The following ROR1 variants were observed in gnomAD, a reference collection of about 807,000 sequenced individuals.
The protein encoded by ROR1 is inactive tyrosine-protein kinase transmembrane receptor ROR1.
Under a neutral mutation model 78.8 loss-of-function variants are expected in ROR1, and 19 were observed. That is an observed-to-expected ratio of 0.24 (90% confidence interval 0.17 to 0.35). ROR1 has a LOEUF of 0.35. Ranked by LOEUF, ROR1 falls within the 10% of genes least tolerant of loss-of-function variation. The probability of loss-of-function intolerance (pLI) is 1.00; values close to 1 mark genes in which losing one functional copy is unlikely to be tolerated. For missense variants in ROR1, 917 were observed against 1,177.8 expected, an observed-to-expected ratio of 0.78 and a Z score of 3.24; for synonymous variants, 386 against 433.6, an observed-to-expected ratio of 0.89 and a Z score of 1.36.
chr1:63,914,983 A>C (rs1645598245), intron 1 of ROR1, among the ~76,000 whole-genome samples: 1 of 152,144 alleles, frequency 6.6e-6, no homozygotes, highest in African/African-American at 2.4e-5. Context: ...GTCAGTGGTT[A>C]ATTGCAAAGC....
intron 2 of ROR1, among the ~76,000 whole-genome samples, chr1:64,014,603 G>T (rs1192334845): frequency 6.8e-6 from 1 of 146,586 alleles, no homozygotes; most frequent in African/African-American, 2.5e-5. Context: ...TTTGGAGAAG[G>T]GGCTGGAAAT....
intron 1 of ROR1, among the ~76,000 whole-genome samples, chr1:63,973,461 C>T (rs79479489): frequency 0.013 from 1,989 of 152,262 alleles, 43 homozygotes; most frequent in African/African-American, 0.046. Context: ...GTAAAGAAGA[C>T]CTCAGAAAAC....
chr1:63,964,441 C>T (rs139969570), intron 1 of ROR1, among the ~76,000 whole-genome samples: 7 of 152,312 alleles, frequency 4.6e-5, no homozygotes, highest in Non-Finnish European at 8.8e-5. Context: ...ACATAGCAGT[C>T]TGAATTCAAC....
intron 4 of ROR1, among the ~76,000 whole-genome samples, chr1:64,118,026 C>T (rs1648378513): frequency 6.6e-6 from 1 of 152,138 alleles, no homozygotes; most frequent in Non-Finnish European, 1.5e-5. Flanking sequence ...CATGGTGAAA[C>T]CTTTTCTCTA....
At chr1:63,829,537 C>T (rs1046576040) in intron 1 of ROR1, among the ~76,000 whole-genome samples, 13 of 151,798 alleles carry the variant, frequency 8.6e-5, no homozygotes, top group Non-Finnish European at 1.5e-4. Flanking sequence ...ATTCAACAGG[C>T]GAAGGGAGTG....
chr1:64,049,465 T>C (rs1053586069), intron 2 of ROR1, among the ~76,000 whole-genome samples: 1 of 152,208 alleles, frequency 6.6e-6, no homozygotes, highest in African/African-American at 2.4e-5. Flanking sequence ...TTGGGTTCTA[T>C]ACTCTGATTA....
intron 1 of ROR1, among the ~76,000 whole-genome samples, chr1:63,824,321 T>G (rs1416187794): frequency 6.6e-6 from 1 of 152,234 alleles, no homozygotes; most frequent in Admixed American, 6.5e-5. Flanking sequence ...ATAGATAATT[T>G]GTAAACAAAT....
chr1:63,891,183 C>A (rs1262198597), intron 1 of ROR1, among the ~76,000 whole-genome samples: 1 of 152,162 alleles, frequency 6.6e-6, no homozygotes, highest in African/African-American at 2.4e-5. Flanking sequence ...CTAAGAAATT[C>A]TCCTATGCCT....
At chr1:63,994,826 C>T (rs1299240801) in intron 1 of ROR1, among the ~76,000 whole-genome samples, 3 of 152,204 alleles carry the variant, frequency 2.0e-5, no homozygotes, top group Non-Finnish European at 1.5e-5. Context: ...TCAAGTTGCC[C>T]ATCTCAGAAG....
intron 2 of ROR1, among the ~76,000 whole-genome samples, chr1:64,015,064 C>T (rs1196046071): frequency 6.6e-6 from 1 of 151,796 alleles, no homozygotes; most frequent in East Asian, 2.0e-4. Context: ...CAAGGAGGAA[C>T]AAGTCAAGTC....
intron 1 of ROR1, among the ~76,000 whole-genome samples, chr1:64,003,375 G>A (rs285384): frequency 0.66 from 100,044 of 152,104 alleles, 37,491 homozygotes; most frequent in East Asian, 0.94. Flanking sequence ...TATAGGTAGT[G>A]TGACTGGGTA....
chr1:63,951,554 T>C (rs1318453735), intron 1 of ROR1, among the ~76,000 whole-genome samples: 1 of 152,126 alleles, frequency 6.6e-6, no homozygotes, highest in African/African-American at 2.4e-5. Context: ...TGAGAGAGAA[T>C]GATCTCTCAC....
chr1:64,090,749 A>G (rs2100643561), intron 4 of ROR1, among the ~76,000 whole-genome samples: 1 of 152,344 alleles, frequency 6.6e-6, no homozygotes. Flanking sequence ...TCTTATTCCC[A>G]GGCCTAGAGA....
chr1:63,966,939 C>G (rs1646079822), intron 1 of ROR1, among the ~76,000 whole-genome samples: 1 of 152,154 alleles, frequency 6.6e-6, no homozygotes. Context: ...CCCTTATTTC[C>G]TCTGCTTATA....
intron 4 of ROR1, among the ~76,000 whole-genome samples, chr1:64,063,929 A>G (rs1319162378): frequency 6.6e-6 from 1 of 152,140 alleles, no homozygotes; most frequent in African/African-American, 2.4e-5. Context: ...CCTGAAAGGA[A>G]CTTGCATTAG....
intron 1 of ROR1, among the ~76,000 whole-genome samples, chr1:63,927,964 T>C (rs1250965650): frequency 7.3e-5 from 11 of 151,468 alleles, no homozygotes; most frequent in East Asian, 1.9e-4. Flanking sequence ...GTTCCCTTTT[T>C]TTTTTTTTTT....
At chr1:64,130,599 G>A (rs1322590064) in intron 4 of ROR1, among the ~76,000 whole-genome samples, 1 of 152,106 alleles carries the variant, frequency 6.6e-6, no homozygotes, top group African/African-American at 2.4e-5. Flanking sequence ...TTTAAGTGAT[G>A]CCCCCTCCTC....
At chr1:64,148,137 A>G (rs1272548204) in intron 7 of ROR1, among the ~76,000 whole-genome samples, 2 of 152,206 alleles carry the variant, frequency 1.3e-5, no homozygotes, top group Non-Finnish European at 2.9e-5. Context: ...CTCTGCTGAC[A>G]CTTTTAGGCA....
intron 1 of ROR1, among the ~76,000 whole-genome samples, chr1:63,822,992 T>G (rs1322578283): frequency 6.6e-6 from 1 of 152,144 alleles, no homozygotes; most frequent in African/African-American, 2.4e-5. Context: ...GTGGTTTTTT[T>G]GTTTACACAT....
Sources: gnomAD v4.1 joint callset for allele counts (sites outside exome capture counted in the v4.1 genomes callset) on GRCh38, gnomAD v4.1.1 for gene constraint, MANE v1.5 for transcripts, NCBI Gene and HGNC (gene_info 2026-07-23, HGNC 2026-07-21) for gene names.